SLC23A2: variants seen among roughly 807,000 people sequenced by gnomAD.
SLC23A2 encodes solute carrier family 23 member 2, also known as Na(+)/L-ascorbic acid transporter 2.
In SLC23A2, 36 loss-of-function variants were observed where a neutral mutation model predicts 73.3. The observed-to-expected ratio is 0.49, with a 90% CI of 0.38 to 0.65. The LOEUF (loss-of-function observed/expected upper bound fraction) is 0.65, where lower values mean the gene tolerates loss of function less well. Ranked by LOEUF, SLC23A2 falls within the 30% of genes least tolerant of loss-of-function variation. The pLI is 0.00. For missense variants in SLC23A2, 507 were observed against 841.6 expected, an observed-to-expected ratio of 0.60 and a Z score of 4.92; for synonymous variants, 343 against 327.3, an observed-to-expected ratio of 1.05 and a Z score of -0.52.
At chr20:4,886,365 T>C (rs1474185055) in intron 6 of SLC23A2, among the ~76,000 whole-genome samples, 1 of 152,250 alleles carries the variant, frequency 6.6e-6, no homozygotes, top group African/African-American at 2.4e-5. Context: ...TTTCATTTTG[T>C]AAATCAAAAA....
At chr20:4,875,254 G>T (rs1260944000) in intron 9 of SLC23A2, among the ~76,000 whole-genome samples, 1 of 152,154 alleles carries the variant, frequency 6.6e-6, no homozygotes, top group African/African-American at 2.4e-5. Flanking sequence ...ACTTTTAAAA[G>T]AGCAAAAAGT....
At chr20:4,910,661 CCTG>C (rs1932109579) in intron 4 of SLC23A2, among the ~76,000 whole-genome samples, 1 of 152,134 alleles carries the variant, frequency 6.6e-6, no homozygotes, top group South Asian at 2.1e-4. Context: ...GTCTTGAACT[CCTG>C]ACCTCAAGTG....
chr20:4,986,782 A>G, intron 1 of SLC23A2, among the ~76,000 whole-genome samples: 1 of 151,910 alleles, frequency 6.6e-6, no homozygotes, highest in Non-Finnish European at 1.5e-5. Flanking sequence ...GAAATAAAAC[A>G]GTAAGTGTGA....
chr20:4,985,358 C>G (rs1014750826), intron 1 of SLC23A2, among the ~76,000 whole-genome samples: 1 of 151,932 alleles, frequency 6.6e-6, no homozygotes. Context: ...ATGGATTATT[C>G]AGCAATAAAG....
At chr20:4,943,634 G>A (rs1035947135) in intron 2 of SLC23A2, among the ~76,000 whole-genome samples, 2 of 142,972 alleles carry the variant, frequency 1.4e-5, no homozygotes, top group African/African-American at 2.6e-5. Context: ...GAGACTGCAC[G>A]ACTACACTCC....
chr20:5,008,595 G>A (rs1017690051), intron 1 of SLC23A2, among the ~76,000 whole-genome samples: 6 of 151,892 alleles, frequency 4.0e-5, no homozygotes, highest in African/African-American at 1.5e-4. Context: ...CCTGATTTTT[G>A]GCAACTGGTC....
rs568415302 is a variant in SLC23A2, at chr20:4,872,880, G to A, written c.1102+1056C>T. ...AGCGATTCTCCTGCCTCAGCCTCCC[G>A]AGTAGCTGGAATTACAGACACCCGT... is the stretch of plus-strand genomic sequence containing the variant. On this transcript the variant is annotated intron_variant, in intron 11 of 16. Coordinates refer to ENST00000338244, the MANE Select transcript of SLC23A2 (RefSeq NM_005116.6). This position sits in a 1 kb window ranked among gnomAD's most constrained non-coding sequence, Gnocchi z 4.4. Among the ~76,000 whole-genome samples, 73 of 151,932 alleles carry A rather than the reference G, an allele frequency of 4.8e-4. No individual in the cohort carries two copies. Among genetic ancestry groups the A allele is most frequent in the African/African-American group, 1.6e-3 (68 of 41,436 alleles).
chr20:4,913,147 G>A (rs1428527732), intron 3 of SLC23A2, among the ~76,000 whole-genome samples, 169 bp from the exon 4 acceptor site: 1 of 152,204 alleles, frequency 6.6e-6, no homozygotes, highest in Admixed American at 6.5e-5. Flanking sequence ...CTCAGCCGGG[G>A]AGAAAAGAAA....
At chr20:4,932,281 G>C (rs879680766) in intron 3 of SLC23A2, among the ~76,000 whole-genome samples, 174 bp downstream of exon 3, 1 of 152,154 alleles carries the variant, frequency 6.6e-6, no homozygotes, top group Non-Finnish European at 1.5e-5. Context: ...TCCAGGCTGA[G>C]AGCACAGCTA....
At chr20:4,967,239 A>G (rs2087488909) in intron 2 of SLC23A2, among the ~76,000 whole-genome samples, 1 of 152,240 alleles carries the variant, frequency 6.6e-6, no homozygotes, top group Non-Finnish European at 1.5e-5. Flanking sequence ...TAATATGTGT[A>G]TTTAAAAAGG....
chr20:4,859,434 C>T (rs749326037), intron 15 of SLC23A2, 50 bp from the exon 16 acceptor site: 7 of 1,264,392 alleles, frequency 5.5e-6, no homozygotes, highest in South Asian at 1.2e-5. Context: ...CAGCGGTGAG[C>T]CTGCCCTTGA....
intron 4 of SLC23A2, among the ~76,000 whole-genome samples, chr20:4,908,819 T>G (rs1450750681): frequency 6.6e-6 from 1 of 152,130 alleles, no homozygotes; most frequent in Admixed American, 6.5e-5. Context: ...TCCCAGCTAC[T>G]TGGGAGGCTC....
intron 3 of SLC23A2, among the ~76,000 whole-genome samples, chr20:4,920,859 C>G (rs1204352968): frequency 6.6e-6 from 1 of 152,182 alleles, no homozygotes; most frequent in East Asian, 1.9e-4. Context: ...CCTCTATTCC[C>G]TCAAAGTGCT....
chr20:4,964,238 G>A (rs935021583), intron 2 of SLC23A2, among the ~76,000 whole-genome samples: 20 of 152,084 alleles, frequency 1.3e-4, no homozygotes, highest in African/African-American at 4.1e-4. Context: ...CAAGCAATCC[G>A]CCCACATCAG....
chr20:4,984,489 C>T (rs1600203733), intron 1 of SLC23A2, among the ~76,000 whole-genome samples: 1 of 149,590 alleles, frequency 6.7e-6, no homozygotes, highest in Non-Finnish European at 1.5e-5. Context: ...GCAGGCGGAG[C>T]TTGCAGTGAG....
chr20:4,971,308 A>G (rs1254631861), intron 1 of SLC23A2, among the ~76,000 whole-genome samples: 8 of 147,690 alleles, frequency 5.4e-5, no homozygotes, highest in Non-Finnish European at 1.2e-4. Flanking sequence ...AAACACACAC[A>G]CACACACACA....
chr20:5,003,908 A>T (rs2088161542), upstream of SLC23A2, among the ~76,000 whole-genome samples: 1 of 151,918 alleles, frequency 6.6e-6, no homozygotes, highest in East Asian at 1.9e-4. Flanking sequence ...CTGACTTCTC[A>T]CTCGAAATTC....
Position 4,883,166 on chromosome 20 carries a change from G to A in SLC23A2, c.824+476C>T, listed in dbSNP as rs762703229. On this transcript the variant is annotated intron_variant, in intron 9 of 16. Coordinates refer to ENST00000338244, the MANE Select transcript of SLC23A2 (RefSeq NM_005116.6). This position sits in a 1 kb window ranked among gnomAD's most constrained non-coding sequence, Gnocchi z 4.5. ...ATGTCCCTCCCCCAACCACCCACCC[G>A]TCAGGAGTGCAGAGCTCAGTGTGGC... Among the ~76,000 whole-genome samples the A allele has an allele frequency of 1.1e-4, 17 of 152,120 alleles. No individual in the cohort carries two copies. The highest frequency in any genetic ancestry group is 2.2e-4 in the African/African-American group (9 of 41,410).
intron 13 of SLC23A2, among the ~76,000 whole-genome samples, chr20:4,866,829 TAGA>T (rs1412899270): frequency 3.9e-5 from 6 of 152,142 alleles, no homozygotes; most frequent in African/African-American, 1.4e-4. Context: ...CAACCAGTTC[TAGA>T]AGGTTTCCGG....
Sources: gnomAD v4.1 joint callset for allele counts (sites outside exome capture counted in the v4.1 genomes callset) on GRCh38, gnomAD v4.1.1 for gene constraint, Gnocchi (gnomAD v3.1) non-coding constraint, MANE v1.5 for transcripts, NCBI Gene and HGNC (gene_info 2026-07-23, HGNC 2026-07-21) for gene names.